Variants in LUC7L observed in about 807,000 individuals in gnomAD.
The protein encoded by LUC7L is putative RNA-binding protein Luc7-like 1.
In LUC7L, 29 loss-of-function variants were observed where a neutral mutation model predicts 51.1. That is an observed-to-expected ratio of 0.57 (90% CI 0.42 to 0.77). LUC7L has a LOEUF of 0.77. LUC7L is among the 30% of genes least tolerant of loss of function. The probability of loss-of-function intolerance (pLI) is 0.00; values close to 1 mark genes in which losing one functional copy is unlikely to be tolerated. For synonymous variants in LUC7L, 181 were observed against 180.7 expected (o/e 1.00, Z -0.01); for missense variants, 403 against 511.9 (o/e 0.79, Z 2.05).
chr16:197,799 C>T (rs1178846032), intron 6 of LUC7L, among the ~76,000 whole-genome samples: 1 of 152,074 alleles, frequency 6.6e-6, no homozygotes, highest in Admixed American at 6.6e-5. Flanking sequence ...CTGCAGTCAG[C>T]GACACGTCTG....
At chr16:227,918 A>G in intron 1 of LUC7L, 1 of 1,004,436 alleles carries the variant, frequency 1.0e-6, no homozygotes, top group Non-Finnish European at 1.2e-6. Context: ...TTAACAAGAC[A>G]ATACCAAAAA....
chr16:208,208 G>A lies in LUC7L; in HGVS notation c.256-20C>T. 1 of 1,534,832 alleles carries A rather than the reference G, an allele frequency of 6.5e-7. No individual in the cohort carries two copies. The highest frequency in any genetic ancestry group is 9.0e-7 in the Non-Finnish European group (1 of 1,108,444). ...CATTGCCTAGCACGGGAAAAGCACAGCGCTATAATCAATGATGTGTAAAGC... is the reference window on the plus strand; with the variant it reads ...CATTGCCTAGCACGGGAAAAGCACAACGCTATAATCAATGATGTGTAAAGC... On this transcript the variant is annotated intron_variant, in intron 3 of 9. Coordinates refer to ENST00000293872, the MANE Select transcript of LUC7L (RefSeq NM_201412.3).
intron 5 of LUC7L, among the ~76,000 whole-genome samples, chr16:199,525 A>G (rs1440081595): frequency 6.6e-6 from 1 of 152,062 alleles, no homozygotes; most frequent in Non-Finnish European, 1.5e-5. Flanking sequence ...TAATCCCAGC[A>G]CTTTGGGAGG....
intron 3 of LUC7L, chr16:209,898 C>T (rs575656930): frequency 6.6e-6 from 1 of 152,370 alleles, no homozygotes; most frequent in East Asian, 1.9e-4. Flanking sequence ...CTCCAAGTCT[C>T]CTGGTGCCCA....
intron 3 of LUC7L, 61 bp from the exon 4 acceptor site, chr16:208,249 C>A (rs1045452512): frequency 9.0e-5 from 114 of 1,261,534 alleles, no homozygotes; most frequent in Middle Eastern, 1.9e-4. Context: ...GTCTTAGAAC[C>A]CATTTGCTTG....
Position 222,775 on chromosome 16 carries a change from C to T in LUC7L, c.157-2028G>A, listed in dbSNP as rs144038437. 7.4e-3 allele frequency among the ~76,000 whole-genome samples: 1,121 copies of T among 151,460 alleles called. 13 individuals are homozygous for T. The highest frequency in any genetic ancestry group is 0.025 in the African/African-American group (1,045 of 41,378). ...CCTCCCAAGGAGCTGGAATTACAGA[C>T]ATGTGCCACCACGCCCAGCTAATTT... On this transcript the variant is annotated intron_variant, in intron 2 of 9. Coordinates refer to ENST00000293872, the MANE Select transcript of LUC7L (RefSeq NM_201412.3).
intron 5 of LUC7L, among the ~76,000 whole-genome samples, chr16:205,666 T>G (rs909812844): frequency 6.6e-6 from 1 of 152,224 alleles, no homozygotes; most frequent in Non-Finnish European, 1.5e-5. Flanking sequence ...CTCAGCTCAC[T>G]GCAAGCTCCG....
intron 1 of LUC7L, chr16:227,750 T>G: frequency 9.9e-7 from 1 of 1,007,646 alleles, no homozygotes; most frequent in Non-Finnish European, 1.2e-6. Flanking sequence ...CTAATCTTTT[T>G]GTTATGAACA....
chr16:228,302 T>C, intron 1 of LUC7L: 3 of 1,303,874 alleles, frequency 2.3e-6, no homozygotes, highest in Non-Finnish European at 3.0e-6. Context: ...ACTTTTTTGT[T>C]ATAACAGCTT....
At chr16:221,476 C>T (rs546113640) in intron 2 of LUC7L, among the ~76,000 whole-genome samples, 61 of 151,988 alleles carry the variant, frequency 4.0e-4, no homozygotes, top group Non-Finnish European at 8.5e-4. Flanking sequence ...GTGAGGCAGG[C>T]GGATCACTTG....
chr16:193,644 G>A (rs963451718), intron 6 of LUC7L, among the ~76,000 whole-genome samples: 11 of 151,564 alleles, frequency 7.3e-5, no homozygotes, highest in African/African-American at 2.7e-4. Context: ...TTACAAGCGT[G>A]CCAGCACGGC....
Position 215,250 on chromosome 16 carries a change from G to A in LUC7L, c.255+5399C>T, listed in dbSNP as rs112287481. 7.7e-3 allele frequency among the ~76,000 whole-genome samples: 1,169 copies of A among 152,274 alleles called. 15 individuals are homozygous for A. Among genetic ancestry groups the A allele is most frequent in the African/African-American group, 0.026 (1,094 of 41,550 alleles). ...CGCCTGTAATCCCAGCACTTTGGGA[G>A]AGTGAGGCGGGCAGATCACAAGGTC... is the stretch of plus-strand genomic sequence containing the variant. On this transcript the variant is annotated intron_variant, in intron 3 of 9. Coordinates refer to ENST00000293872, the MANE Select transcript of LUC7L (RefSeq NM_201412.3).
In LUC7L at chr16:193,503, T is replaced by G. The variant is rs569279978; in HGVS notation, c.688-488A>C. Among the ~76,000 whole-genome samples, 61 of 152,220 alleles carry G rather than the reference T, an allele frequency of 4.0e-4. 1 individual carries two copies. In the South Asian group the frequency reaches 0.012, roughly 31 times the overall value. ...AGATAACACATGAAAAAATGCTTTA[T>G]CATTACATTTTTTTTTCCTGAGACA... is the stretch of plus-strand genomic sequence containing the variant. On this transcript the variant is annotated intron_variant, in intron 6 of 9. Coordinates refer to ENST00000293872, the MANE Select transcript of LUC7L (RefSeq NM_201412.3).
At chr16:220,572 C>A in intron 3 of LUC7L, 77 bp downstream of exon 3, 2 of 1,073,146 alleles carry the variant, frequency 1.9e-6, no homozygotes, top group Non-Finnish European at 2.8e-6. Context: ...TCATAACTTA[C>A]GTATGTTACA....
At chr16:193,163 T>TC (rs957659229) in intron 6 of LUC7L, 148 bp from the exon 7 acceptor site, 12 of 695,408 alleles carry the variant, frequency 1.7e-5, no homozygotes, top group African/African-American at 1.8e-5. Flanking sequence ...CTTTTTTTTT[T>TC]CTCTTTGAAA....
intron 3 of LUC7L, among the ~76,000 whole-genome samples, chr16:217,458 A>T (rs544927346): frequency 6.6e-6 from 1 of 152,210 alleles, no homozygotes; most frequent in East Asian, 1.9e-4. Context: ...TGTAATCTCA[A>T]CACTCTGGGA....
At chr16:198,724 T>TA (rs1288628138) in intron 6 of LUC7L, among the ~76,000 whole-genome samples, 1 of 152,046 alleles carries the variant, frequency 6.6e-6, no homozygotes, top group Non-Finnish European at 1.5e-5. Flanking sequence ...TCTTACTCTA[T>TA]AGCCCAGGCT....
Position 211,796 on chromosome 16 carries a change from A to G in LUC7L, c.256-3608T>C, listed in dbSNP as rs527832035. Reference sequence around the variant, plus strand: ...CCTAACAGTATGGCAAAACTGGACAATATCAGCACACGTCATCTCCACTGA... The same window carrying G: ...CCTAACAGTATGGCAAAACTGGACAGTATCAGCACACGTCATCTCCACTGA... On this transcript the variant is annotated intron_variant, in intron 3 of 9. Transcript: ENST00000293872. 1.4e-3 allele frequency among the ~76,000 whole-genome samples: 219 copies of G among 152,352 alleles called. 1 individual carries two copies. The highest frequency in any genetic ancestry group is 5.0e-3 in the African/African-American group (210 of 41,586).
At chr16:213,154 A>G (rs924523541) in intron 3 of LUC7L, among the ~76,000 whole-genome samples, 1 of 152,178 alleles carries the variant, frequency 6.6e-6, no homozygotes, top group African/African-American at 2.4e-5. Context: ...AGACTGCCTT[A>G]TAACAAATAT....
Sources: allele counts gnomAD v4.1 joint callset (sites outside exome capture counted in the v4.1 genomes callset), GRCh38; gene constraint gnomAD v4.1.1; transcripts MANE v1.5; gene names NCBI Gene and HGNC (gene_info 2026-07-23, HGNC 2026-07-21).